Variants in ZMAT1 observed in about 807,000 individuals in gnomAD.
The protein encoded by ZMAT1 is zinc finger matrin-type 1.
ZMAT1 carries 11 observed loss-of-function variants against 18.5 expected under a neutral mutation model. The ratio of observed to expected loss-of-function variants is 0.59; its 90% CI spans 0.37 to 0.98. The LOEUF (loss-of-function observed/expected upper bound fraction) is 0.98. Ranked by LOEUF, ZMAT1 falls within the 50% of genes least tolerant of loss-of-function variation. The pLI is 0.01. For missense variants in ZMAT1, 525 were observed against 496.2 expected (o/e 1.06, Z -0.55); for synonymous variants, 211 against 176.4 (o/e 1.20, Z -1.55).
At chrX:101,917,724 A>G (rs1157516091) in intron 1 of ZMAT1, among the ~76,000 whole-genome samples, 2 of 112,725 alleles carry the variant, frequency 1.8e-5, no homozygotes, top group Non-Finnish European at 3.7e-5. Flanking sequence ...TATCAAAGAG[A>G]TATCTGCACT....
intron 4 of ZMAT1, chrX:101,889,800 G>A (rs746614939): frequency 3.6e-5 from 4 of 111,788 alleles, no homozygotes; most frequent in African/African-American, 1.3e-4. Context: ...TAGGTGATGG[G>A]ATGATCTGTG....
intron 1 of ZMAT1, among the ~76,000 whole-genome samples, chrX:101,910,707 T>C (rs1398945796): frequency 6.3e-5 from 7 of 111,613 alleles, no homozygotes; most frequent in African/African-American, 2.3e-4. Context: ...AGCTTGAAGA[T>C]AGGCTACTTG....
chrX:101,931,505 T>A, intron 1 of ZMAT1: 1 of 748,046 alleles, frequency 1.3e-6, no homozygotes, highest in Non-Finnish European at 1.6e-6. Context: ...CCTTTACAGG[T>A]GGGAGAGGTA....
chrX:101,928,785 C>T (rs1930217789), intron 1 of ZMAT1, among the ~76,000 whole-genome samples: 1 of 112,182 alleles, frequency 8.9e-6, no homozygotes, highest in South Asian at 3.7e-4. Context: ...AATAAAAAGC[C>T]AGAAGGTCTT....
At chrX:101,891,656 G>A (rs949070066) in intron 4 of ZMAT1, among the ~76,000 whole-genome samples, 2 of 111,115 alleles carry the variant, frequency 1.8e-5, no homozygotes, top group Non-Finnish European at 3.8e-5. Context: ...AGAGAAAGAT[G>A]AGCCTATGAA....
chrX:101,919,343 G>A (rs958383106), intron 1 of ZMAT1, among the ~76,000 whole-genome samples: 46 of 111,429 alleles, frequency 4.1e-4, no homozygotes, highest in African/African-American at 1.5e-3. Context: ...AATGTGCAAG[G>A]TAAGTGGCAC....
At chrX:101,884,951 C>G (rs1926825044) in intron 5 of ZMAT1, 130 bp from the exon 6 acceptor site, 2 of 426,912 alleles carry the variant, frequency 4.7e-6, no homozygotes, top group East Asian at 7.9e-5. Context: ...TAAAAACCTA[C>G]TTTATTATAA....
In ZMAT1 at chrX:101,883,261, T is replaced by C. The variant is rs1926609898; in HGVS notation, c.*249A>G. 3.9e-6 allele frequency: 1 copy of C among 255,262 alleles called. No homozygotes were observed. Among genetic ancestry groups the C allele is most frequent in the Admixed American group, 6.4e-5 (1 of 15,657 alleles). The allele number at this position is 255,262 out of a possible 1,213,427, so 21.0% of individuals were successfully genotyped here. A position where few individuals can be genotyped will look rare whatever the true frequency, so the allele number is the denominator to read the frequency against. Reference sequence around the variant, plus strand: ...TTCCAAAACACAGATTCTTGTCTTTTCTGTAACAGGTTTCCTTTTCTCTTA... The same window carrying C: ...TTCCAAAACACAGATTCTTGTCTTTCCTGTAACAGGTTTCCTTTTCTCTTA... On this transcript the variant is annotated 3_prime_UTR_variant, in exon 6 of 6. Transcript: ENST00000651725.
intron 2 of ZMAT1, among the ~76,000 whole-genome samples, chrX:101,903,535 A>G (rs1180201339): frequency 8.9e-6 from 1 of 111,934 alleles, no homozygotes; most frequent in African/African-American, 3.2e-5. Context: ...TGTATCTAGT[A>G]TTTTTGGTAA....
In ZMAT1 at chrX:101,883,573, C is replaced by T; in HGVS notation, c.2025G>A (p.Lys675=). 1 of 1,202,870 alleles carries T rather than the reference C, an allele frequency of 8.3e-7. No homozygotes were observed. The highest frequency in any genetic ancestry group is 1.8e-5 in the South Asian group (1 of 55,852). ...CTTCTGTCCTTTCTTCAACAGATTT[C>T]TTTTTCTCTTTCCTGTGCTTACGTT... The part of the protein sequence containing the change: ...KEERKHRKEK[K]KSVEERTEEE... The change falls in exon 6 of 6, where the codon AAG becomes AAA. Residue 675 remains lysine (K), a synonymous_variant. Coordinates refer to ENST00000651725, the MANE Select transcript of ZMAT1 (RefSeq NM_001394560.1).
At position 101,891,370 on chromosome X, in the gene ZMAT1, G is replaced by A. The variant is rs371466434; in HGVS notation, c.677-4639C>T. 2.5e-4 allele frequency among the ~76,000 whole-genome samples: 28 copies of A among 111,557 alleles called. 3 individuals carry two copies. The highest frequency in any genetic ancestry group is 2.3e-3 in the East Asian group (8 of 3,539). On this transcript the variant is annotated intron_variant, in intron 4 of 5. Transcript: ENST00000651725. ...TCAGATGTATGTGTTGTTTTAATGG[G>A]TGGGAGAGTAGGCAATGGTGAATAG...
At chrX:101,915,862 A>G (rs1010451390) in intron 1 of ZMAT1, among the ~76,000 whole-genome samples, 4 of 112,171 alleles carry the variant, frequency 3.6e-5, no homozygotes, top group African/African-American at 1.3e-4. Context: ...AACGAGAAAT[A>G]CCATTTGACC....
intron 1 of ZMAT1, among the ~76,000 whole-genome samples, chrX:101,915,043 T>G (rs913670574): frequency 4.5e-5 from 5 of 110,747 alleles, no homozygotes; most frequent in Middle Eastern, 4.7e-3. Context: ...CATATACAAA[T>G]TAATCAATGA....
At chrX:101,901,117 G>A (rs1277795508) in intron 2 of ZMAT1, among the ~76,000 whole-genome samples, 1 of 111,099 alleles carries the variant, frequency 9.0e-6, no homozygotes, top group Admixed American at 9.6e-5. Context: ...CTTGGTCGCT[G>A]TTGGTGTATA....
At chrX:101,931,545 T>C (rs1930485755) in intron 1 of ZMAT1, 172 bp downstream of exon 1, 1 of 731,891 alleles carries the variant, frequency 1.4e-6, no homozygotes, top group African/African-American at 2.4e-5. Context: ...CAGTCCATCT[T>C]GCACACTCGG....
At chrX:101,922,249 T>A (rs1184009424) in intron 1 of ZMAT1, among the ~76,000 whole-genome samples, 2 of 111,639 alleles carry the variant, frequency 1.8e-5, no homozygotes, top group Admixed American at 1.9e-4. Flanking sequence ...ATGAATTTGA[T>A]GATGTCCACT....
In ZMAT1 at chrX:101,903,186, A is replaced by C. The variant is rs745823450; in HGVS notation, c.399+1038T>G. On this transcript the variant is annotated intron_variant, in intron 2 of 5. Coordinates refer to ENST00000651725, the MANE Select transcript of ZMAT1 (RefSeq NM_001394560.1). ...CTAATTCTAAATCTTTGATCTATGG[A>C]GTCTAAAGATGTGCTAGGCACTCTC... 2.7e-5 allele frequency among the ~76,000 whole-genome samples: 3 copies of C among 111,666 alleles called. No homozygotes were observed. In the South Asian group the frequency reaches 1.1e-3, roughly 41 times the overall value.
At position 101,930,472 on chromosome X, in the gene ZMAT1, A is replaced by AT. The variant is rs759067816; in HGVS notation, c.292+1244dup. Among the ~76,000 whole-genome samples the AT allele has an allele frequency of 3.6e-5, 4 of 111,991 alleles. No individual in the cohort carries two copies. The South Asian group carries it at 1.5e-3, about 41-fold the overall frequency. ...TGTGCCTATACAAATATTGTAAGGG[A>AT]TTTTTTTTCTACTTTGCCATTCCTC... On this transcript the variant is annotated intron_variant, in intron 1 of 5. Transcript: ENST00000651725.
intron 1 of ZMAT1, chrX:101,911,471 C>T: frequency 1.5e-6 from 1 of 664,226 alleles, no homozygotes; most frequent in South Asian, 3.2e-5. Flanking sequence ...AGAATAACTA[C>T]AACTTTTCAA....
Sources: gnomAD v4.1 joint callset for allele counts (sites outside exome capture counted in the v4.1 genomes callset) on GRCh38, gnomAD v4.1.1 for gene constraint, MANE v1.5 for transcripts, NCBI Gene and HGNC (gene_info 2026-07-23, HGNC 2026-07-21) for gene names.